TM4SF4: variants seen among roughly 807,000 people sequenced by gnomAD.
TM4SF4 encodes transmembrane 4 L6 family member 4.
A neutral mutation model predicts 24.1 loss-of-function variants in TM4SF4; 24 were observed. That is an observed-to-expected ratio of 1.00 (90% CI 0.72 to 1.40). The LOEUF is 1.40. Among genes scored for constraint, TM4SF4 ranks in the 40% most tolerant of loss-of-function variants. The pLI is 0.00. For missense variants in TM4SF4, 254 were observed against 254.2 expected (o/e 1.00, Z 0.01); for synonymous variants, 113 against 97.0 (o/e 1.17, Z -0.97).
intron 3 of TM4SF4, among the ~76,000 whole-genome samples, chr3:149,491,522 C>T (rs1446514677): frequency 2.6e-5 from 4 of 151,914 alleles, no homozygotes; most frequent in African/African-American, 4.8e-5. Context: ...TACACACACA[C>T]ACATTTATAT....
chr3:149,483,732 A>T (rs1459203690), intron 2 of TM4SF4, among the ~76,000 whole-genome samples: 1 of 152,188 alleles, frequency 6.6e-6, no homozygotes. Flanking sequence ...TATATAAAAT[A>T]TGAAATAATT....
chr3:149,475,926 G>A lies in TM4SF4; in HGVS notation c.264+14G>A, dbSNP rs1181811001. 1.2e-6 allele frequency: 2 copies of A among 1,603,826 alleles called. No individual in the cohort carries two copies. The highest frequency in any genetic ancestry group is 1.1e-5 in the South Asian group (1 of 89,312). On this transcript the variant is annotated intron_variant, in intron 2 of 4. Coordinates refer to ENST00000305354, the MANE Select transcript of TM4SF4 (RefSeq NM_004617.4). ...AAGCGATTTGCGGTGAGTTACCATG[G>A]GGGGCAGCTACTAGAATTACTCCAG...
chr3:149,500,174 T>C (rs558453204), intron 4 of TM4SF4, among the ~76,000 whole-genome samples: 12 of 152,150 alleles, frequency 7.9e-5, no homozygotes, highest in African/African-American at 2.6e-4. Flanking sequence ...TGAGATACTG[T>C]TATTAGCAGG....
At chr3:149,482,837 C>T (rs1303562315) in intron 2 of TM4SF4, among the ~76,000 whole-genome samples, 1 of 152,216 alleles carries the variant, frequency 6.6e-6, no homozygotes, top group Non-Finnish European at 1.5e-5. Context: ...AGCCACCAAG[C>T]CCGGCCTTTC....
chr3:149,477,086 C>G (rs893235970), intron 2 of TM4SF4, among the ~76,000 whole-genome samples: 37 of 152,150 alleles, frequency 2.4e-4, no homozygotes, highest in African/African-American at 7.0e-4. Flanking sequence ...AGGTGTGAGG[C>G]ACTGTGCCCA....
intron 2 of TM4SF4, among the ~76,000 whole-genome samples, chr3:149,477,099 C>T (rs904338849): frequency 2.6e-5 from 4 of 152,072 alleles, no homozygotes; most frequent in African/African-American, 9.7e-5. Flanking sequence ...TGTGCCCAGT[C>T]GTCTTTACTA....
intron 3 of TM4SF4, among the ~76,000 whole-genome samples, chr3:149,493,798 G>A (rs982215024): frequency 1.3e-5 from 2 of 152,162 alleles, no homozygotes; most frequent in African/African-American, 2.4e-5. Context: ...AACACAGAGC[G>A]CTGGGGAGCA....
Position 149,474,769 on chromosome 3 carries a change from T to G in TM4SF4, c.-109T>G, listed in dbSNP as rs1733892589. ...TGGTTCTCAGCCCCAAAATACTGAT[T>G]GAATTGGAGACAATTACAAGGACTC... is the stretch of plus-strand genomic sequence containing the variant. On this transcript the variant is annotated 5_prime_UTR_variant, in exon 1 of 5. The change creates a new upstream start codon in the 5' untranslated region. Transcript: ENST00000305354. 8.2e-7 allele frequency: 1 copy of G among 1,217,390 alleles called. No individual in the cohort carries two copies. Among genetic ancestry groups the G allele is most frequent in the South Asian group, 1.7e-5 (1 of 58,086 alleles). 75.4% of individuals were successfully genotyped at this position (1,217,390 alleles called of 1,614,324 possible).
intron 2 of TM4SF4, among the ~76,000 whole-genome samples, chr3:149,476,181 A>C (rs1474852306): frequency 6.6e-6 from 1 of 152,260 alleles, no homozygotes; most frequent in African/African-American, 2.4e-5. Flanking sequence ...GAGGGGTCCC[A>C]TATACAGAAT....
At chr3:149,495,661 T>G in intron 3 of TM4SF4, 1 of 307,840 alleles carries the variant, frequency 3.2e-6, no homozygotes, top group Non-Finnish European at 6.6e-6. Flanking sequence ...GTGTTTATCT[T>G]GCACCACCCA....
intron 2 of TM4SF4, among the ~76,000 whole-genome samples, chr3:149,482,697 C>A (rs907397868): frequency 1.3e-5 from 2 of 152,142 alleles, no homozygotes; most frequent in Non-Finnish European, 2.9e-5. Context: ...GCACACACCA[C>A]CACCCCTCAC....
At chr3:149,486,630 A>T (rs1734120928) in intron 2 of TM4SF4, among the ~76,000 whole-genome samples, 1 of 152,224 alleles carries the variant, frequency 6.6e-6, no homozygotes, top group Non-Finnish European at 1.5e-5. Context: ...TATAATTGAA[A>T]ACAAAATATG....
At chr3:149,479,571 C>A (rs760397586) in intron 2 of TM4SF4, among the ~76,000 whole-genome samples, 18 of 151,944 alleles carry the variant, frequency 1.2e-4, no homozygotes, top group Non-Finnish European at 2.1e-4. Context: ...AAACTGCAGA[C>A]TAATTTGGGG....
intron 3 of TM4SF4, among the ~76,000 whole-genome samples, 188 bp from the exon 4 acceptor site, chr3:149,498,534 G>A (rs1222537933): frequency 6.6e-6 from 1 of 152,174 alleles, no homozygotes; most frequent in Non-Finnish European, 1.5e-5. Context: ...ACAGGGTCTG[G>A]CACACAGGGT....
intron 2 of TM4SF4, among the ~76,000 whole-genome samples, chr3:149,477,987 TA>T (rs5853405): frequency 0.35 from 52,963 of 151,942 alleles, 9,858 homozygotes; most frequent in Non-Finnish European, 0.42. Context: ...CTGGCTAATA[TA>T]AAAATAAGGG....
Position 149,498,794 on chromosome 3 carries a change from C to T in TM4SF4, c.474C>T (p.Thr158=), listed in dbSNP as rs767082831. 6.2e-7 allele frequency: 1 copy of T among 1,613,834 alleles called. No individual in the cohort carries two copies. Among genetic ancestry groups the T allele is most frequent in the Non-Finnish European group, 8.5e-7 (1 of 1,179,884 alleles). ...EPLNVVPWNL[T]LFSILLVVGG... ...TCAATGTGGTTCCCTGGAATCTGAC[C>T]CTCTTCTCCATCCTGCTGGTCGTAG... Residue 158 remains threonine (T), a synonymous_variant, in exon 4 of 5, where the codon ACC becomes ACT. Coordinates refer to ENST00000305354, the MANE Select transcript of TM4SF4 (RefSeq NM_004617.4).
chr3:149,501,607 C>T (rs1247507123), intron 4 of TM4SF4, among the ~76,000 whole-genome samples: 1 of 152,210 alleles, frequency 6.6e-6, no homozygotes, highest in East Asian at 1.9e-4. Flanking sequence ...ATTCCTTTCT[C>T]TTGGGCAGCT....
intron 3 of TM4SF4, among the ~76,000 whole-genome samples, chr3:149,497,934 C>T (rs907746305): frequency 2.6e-5 from 4 of 151,826 alleles, no homozygotes; most frequent in Admixed American, 1.3e-4. Context: ...TGTGAGTCAC[C>T]GCGCCCGGCC....
chr3:149,486,020 C>CT (rs1734110669), intron 2 of TM4SF4, among the ~76,000 whole-genome samples: 1 of 151,980 alleles, frequency 6.6e-6, no homozygotes, highest in South Asian at 2.1e-4. Context: ...ATTAAAAAGA[C>CT]TTTTTTTAAA....
Sources: allele counts gnomAD v4.1 joint callset (sites outside exome capture counted in the v4.1 genomes callset), GRCh38; gene constraint gnomAD v4.1.1; transcripts MANE v1.5; gene names NCBI Gene and HGNC (gene_info 2026-07-23, HGNC 2026-07-21).